OR7C1: variants seen among roughly 807,000 people sequenced by gnomAD.
The protein encoded by OR7C1 is olfactory receptor family 7 subfamily C member 1, also known as olfactory receptor 7C1.
For synonymous variants in OR7C1, 152 were observed against 160.7 expected (o/e 0.95, Z 0.41); for missense variants, 324 against 383.3 (o/e 0.85, Z 1.29).
chr19:14,815,393 A>G (rs1459854023), intron 1 of OR7C1, among the ~76,000 whole-genome samples: 3 of 152,244 alleles, frequency 2.0e-5, no homozygotes, highest in Admixed American at 6.5e-5. Context: ...GGCCAGCTTC[A>G]TGAATATTCA....
rs1422191176 is a variant in OR7C1 at position 14,831,686 on chromosome 19, G to T, written c.-623+3388C>A. 7.9e-5 allele frequency among the ~76,000 whole-genome samples: 12 copies of T among 151,946 alleles called. No individual in the cohort carries two copies. In the East Asian group the frequency reaches 1.7e-3, roughly 22 times the overall value. ...TCTCGATCTCCTGACCTCGTGATCC[G>T]CCTGCCTCGGCCTCCCAAAGTGCTG... On this transcript the variant is annotated intron_variant, in intron 1 of 4. Coordinates refer to ENST00000641666, the Ensembl canonical transcript of OR7C1.
At chr19:14,799,084 G>T in exon 5 of OR7C1, 1 of 1,456,122 alleles carries the variant, frequency 6.9e-7, no homozygotes, top group Non-Finnish European at 9.2e-7. Flanking sequence ...GATAAGATAT[G>T]GTAATTCCAG....
intron 1 of OR7C1, among the ~76,000 whole-genome samples, chr19:14,810,525 G>A (rs976634976): frequency 8.7e-5 from 13 of 149,712 alleles, no homozygotes; most frequent in African/African-American, 2.5e-4. Flanking sequence ...GACTACAGGC[G>A]CCCGCCACCA....
chr19:14,800,638 A>T (rs1455699562), exon 3 of OR7C1: 1 of 152,694 alleles, frequency 6.5e-6, no homozygotes, highest in African/African-American at 2.4e-5. Context: ...CGAGCTGCAG[A>T]CACAAACAAG....
At chr19:14,810,372 GTTTT>G (rs34756526) in intron 1 of OR7C1, among the ~76,000 whole-genome samples, 1 of 112,444 alleles carries the variant, frequency 8.9e-6, no homozygotes, top group African/African-American at 4.5e-5. Flanking sequence ...ACCAAAATGA[GTTTT>G]TTTTTTTTGT....
chr19:14,799,455 T>C, exon 5 of OR7C1: 6 of 1,614,086 alleles, frequency 3.7e-6, no homozygotes, highest in Non-Finnish European at 5.1e-6. Context: ...GCTGAGGAAA[T>C]CCTCAGTATA....
exon 1 of OR7C1, chr19:14,835,137 A>T (rs2044872252): frequency 6.6e-6 from 1 of 152,178 alleles, no homozygotes; most frequent in African/African-American, 2.4e-5. Flanking sequence ...TGGATGATTG[A>T]TGGTGGAGAC....
In OR7C1 at chr19:14,816,168, C is replaced by G. The variant is rs201888006; in HGVS notation, c.-622-6175G>C. 2.0e-5 allele frequency among the ~76,000 whole-genome samples: 3 copies of G among 151,812 alleles called. No individual in the cohort carries two copies. The East Asian group carries it at 5.8e-4, about 29-fold the overall frequency. ...GAAACTTTCAGTGAAAGGAGCGTAC[C>G]CCATAAGTGTATATATCTACTATAT... On this transcript the variant is annotated intron_variant, in intron 1 of 4. Coordinates refer to ENST00000641666, the Ensembl canonical transcript of OR7C1.
At chr19:14,820,197 C>A (rs2044734315) in intron 1 of OR7C1, among the ~76,000 whole-genome samples, 1 of 152,176 alleles carries the variant, frequency 6.6e-6, no homozygotes, top group South Asian at 2.1e-4. Context: ...CAGGCATGAG[C>A]CACTGCGCCG....
intron 1 of OR7C1, chr19:14,827,974 T>G: frequency 6.2e-7 from 1 of 1,614,222 alleles, no homozygotes; most frequent in Non-Finnish European, 8.5e-7. Context: ...GTGATGACTT[T>G]GTTCTGTGTC....
intron 1 of OR7C1, among the ~76,000 whole-genome samples, chr19:14,817,688 T>A (rs1478910843): frequency 6.6e-6 from 1 of 152,238 alleles, no homozygotes; most frequent in African/African-American, 2.4e-5. Flanking sequence ...GTTTGCTTAG[T>A]TGACTGATTA....
intron 1 of OR7C1, among the ~76,000 whole-genome samples, chr19:14,820,136 C>T (rs2044734033): frequency 6.6e-6 from 1 of 152,062 alleles, no homozygotes; most frequent in African/African-American, 2.4e-5. Flanking sequence ...GTCTCAAACT[C>T]CTGGCCTCAG....
In OR7C1 at chr19:14,830,578, A is replaced by T. The variant is rs116966820; in HGVS notation, c.-623+4496T>A. ...CCTGGCAAAATAAATAAAAGATCAA[A>T]AATAAAGAATTCTGACATCTTTATT... On this transcript the variant is annotated intron_variant, in intron 1 of 4. Coordinates refer to ENST00000641666, the Ensembl canonical transcript of OR7C1. Among the ~76,000 whole-genome samples, 1,511 of 152,318 alleles carry T rather than the reference A, an allele frequency of 9.9e-3. 13 individuals are homozygous for T. Among genetic ancestry groups the T allele is most frequent in the Non-Finnish European group, 0.016 (1,103 of 68,032 alleles).
chr19:14,799,557 T>C (rs2044628861), exon 5 of OR7C1: 1 of 1,614,182 alleles, frequency 6.2e-7, no homozygotes, highest in Admixed American at 1.7e-5. Context: ...ACGTTATTAA[T>C]GAAGGTGTCA....
At chr19:14,812,286 G>C (rs2044694906) in intron 1 of OR7C1, among the ~76,000 whole-genome samples, 1 of 152,128 alleles carries the variant, frequency 6.6e-6, no homozygotes, top group Admixed American at 6.5e-5. Flanking sequence ...TTTATACTCA[G>C]TACCTGTTTT....
exon 5 of OR7C1, chr19:14,799,533 C>T (rs1340974123): frequency 1.9e-6 from 3 of 1,614,156 alleles, no homozygotes; most frequent in Admixed American, 1.7e-5. Flanking sequence ...ACGCCAGTTG[C>T]AAAGTATATC....
chr19:14,808,583 T>C (rs1454793529), intron 2 of OR7C1, among the ~76,000 whole-genome samples: 1 of 134,840 alleles, frequency 7.4e-6, no homozygotes, highest in Non-Finnish European at 1.5e-5. Context: ...ACCATGGGCA[T>C]AGATAATGGA....
rs1271865094 is a variant in OR7C1 at position 14,827,947 on chromosome 19, T to C, written c.-623+7127A>G. On this transcript the variant is annotated intron_variant, in intron 1 of 4. Transcript: ENST00000641666. Reference sequence around the variant, plus strand: ...AAGAGTATGAAAAAATACATCTGCATGAGGCAGGCTATGTAGGTGATGACT... The same window carrying C: ...AAGAGTATGAAAAAATACATCTGCACGAGGCAGGCTATGTAGGTGATGACT... 4 of 1,614,216 alleles carry C rather than the reference T, an allele frequency of 2.5e-6. No individual in the cohort carries two copies. In the Admixed American group the frequency reaches 5.0e-5, roughly 20 times the overall value.
intron 1 of OR7C1, chr19:14,828,303 C>T (rs1412881545): frequency 3.3e-6 from 5 of 1,501,928 alleles, no homozygotes; most frequent in Non-Finnish European, 4.5e-6. Flanking sequence ...GCATGCATTG[C>T]TAACCTTTCA....
Sources: gnomAD v4.1 joint callset for allele counts (sites outside exome capture counted in the v4.1 genomes callset) on GRCh38, gnomAD v4.1.1 for gene constraint, MANE v1.5 for transcripts, NCBI Gene and HGNC (gene_info 2026-07-23, HGNC 2026-07-21) for gene names.